The following MTSS1 variants were observed in gnomAD, a reference collection of about 807,000 sequenced individuals.
MTSS1 encodes protein MTSS 1.
Under a neutral mutation model 79.0 loss-of-function variants are expected in MTSS1, and 18 were observed. The ratio of observed to expected loss-of-function variants is 0.23; its 90% confidence interval spans 0.16 to 0.34. The LOEUF is 0.34. Among genes scored for constraint, MTSS1 ranks in the 10% least tolerant of loss-of-function variants. The pLI is 1.00. For synonymous variants in MTSS1, 341 were observed against 368.6 expected (o/e 0.93, Z 0.86); for missense variants, 815 against 986.2 (o/e 0.83, Z 2.33).
intron 6 of MTSS1, 23 bp downstream of exon 6, chr8:124,585,064 A>T (rs757829989): frequency 1.4e-4 from 224 of 1,599,946 alleles, no homozygotes; most frequent in Non-Finnish European, 1.7e-4. Context: ...AAGTAACATC[A>T]GTGGCAGAAT....
chr8:124,716,460 A>G (rs1832002685), intron 1 of MTSS1, among the ~76,000 whole-genome samples: 1 of 152,120 alleles, frequency 6.6e-6, no homozygotes, highest in Non-Finnish European at 1.5e-5. Context: ...ATACTTCAAG[A>G]GCTGCAGAGG....
chr8:124,665,533 C>T (rs1822890265), intron 3 of MTSS1, among the ~76,000 whole-genome samples: 1 of 152,174 alleles, frequency 6.6e-6, no homozygotes, highest in African/African-American at 2.4e-5. Flanking sequence ...AGGGCCCTGG[C>T]TTGGCCAGGC....
At chr8:124,707,916 G>A (rs1385144285) in intron 1 of MTSS1, among the ~76,000 whole-genome samples, 1 of 152,144 alleles carries the variant, frequency 6.6e-6, no homozygotes, top group Admixed American at 6.5e-5. Flanking sequence ...CATGTTCATC[G>A]AGAACATGCA....
intron 3 of MTSS1, among the ~76,000 whole-genome samples, chr8:124,653,837 C>T (rs1228185959): frequency 2.6e-5 from 4 of 152,208 alleles, no homozygotes; most frequent in Non-Finnish European, 4.4e-5. Context: ...GTGTGACTTT[C>T]CTTGAGGCTG....
At chr8:124,637,485 G>A (rs2133926502) in intron 3 of MTSS1, among the ~76,000 whole-genome samples, 1 of 152,342 alleles carries the variant, frequency 6.6e-6, no homozygotes, top group East Asian at 1.9e-4. Context: ...CAGACCCACG[G>A]CTCCAACATG....
intron 3 of MTSS1, among the ~76,000 whole-genome samples, chr8:124,667,107 T>C (rs975388576): frequency 2.3e-4 from 35 of 152,152 alleles, no homozygotes; most frequent in Admixed American, 6.5e-5. Flanking sequence ...GGCCACGCCC[T>C]GGGTTTCCCC....
intron 1 of MTSS1, among the ~76,000 whole-genome samples, chr8:124,726,358 A>G (rs1482434206): frequency 6.6e-6 from 1 of 152,230 alleles, no homozygotes; most frequent in Non-Finnish European, 1.5e-5. Flanking sequence ...ACTACAGTGG[A>G]CAGATCCGTC....
chr8:124,679,043 T>C (rs1160967202), intron 3 of MTSS1, among the ~76,000 whole-genome samples: 1 of 152,218 alleles, frequency 6.6e-6, no homozygotes, highest in Non-Finnish European at 1.5e-5. Context: ...ACTCTCATGG[T>C]TGGCGCTATT....
At chr8:124,672,297 C>G (rs1824370227) in intron 3 of MTSS1, among the ~76,000 whole-genome samples, 1 of 152,160 alleles carries the variant, frequency 6.6e-6, no homozygotes, top group African/African-American at 2.4e-5. Flanking sequence ...AGTTCAAGAC[C>G]AGCCTGCCCA....
At chr8:124,643,653 G>A (rs1434333412) in intron 3 of MTSS1, among the ~76,000 whole-genome samples, 4 of 129,480 alleles carry the variant, frequency 3.1e-5, no homozygotes, top group East Asian at 2.3e-4. Context: ...AGCCAAGATC[G>A]CACCATTGCA....
At chr8:124,603,439 C>A (rs1407565033) in intron 3 of MTSS1, among the ~76,000 whole-genome samples, 2 of 152,232 alleles carry the variant, frequency 1.3e-5, no homozygotes, top group African/African-American at 4.8e-5. Flanking sequence ...TTAAGCTGCA[C>A]ATTTATGAGG....
intron 2 of MTSS1, 52 bp downstream of exon 2, chr8:124,704,078 T>A: frequency 6.4e-7 from 1 of 1,557,520 alleles, no homozygotes; most frequent in Non-Finnish European, 8.9e-7. Flanking sequence ...TCCCACTCCA[T>A]CCTTGTCTGA....
intron 6 of MTSS1, among the ~76,000 whole-genome samples, chr8:124,572,794 T>C (rs989105650): frequency 7.4e-5 from 11 of 147,708 alleles, no homozygotes; most frequent in Admixed American, 2.7e-4. Flanking sequence ...CCAGGCTGGA[T>C]GGAGTGCAGT....
chr8:124,717,397 G>A (rs774177448), intron 1 of MTSS1, among the ~76,000 whole-genome samples: 5 of 152,212 alleles, frequency 3.3e-5, no homozygotes, highest in Non-Finnish European at 7.3e-5. Context: ...TTGGGAGGCT[G>A]AGGCAGGAGA....
intron 3 of MTSS1, among the ~76,000 whole-genome samples, chr8:124,616,589 A>C (rs1482463685): frequency 6.6e-6 from 1 of 152,186 alleles, no homozygotes; most frequent in African/African-American, 2.4e-5. Context: ...GGAAACGGAT[A>C]GTTCCCAGGT....
chr8:124,638,387 A>G (rs1329512120), intron 3 of MTSS1, among the ~76,000 whole-genome samples: 1 of 152,266 alleles, frequency 6.6e-6, no homozygotes, highest in Non-Finnish European at 1.5e-5. Context: ...GGCCTATCTT[A>G]GAGTTTAGTA....
At chr8:124,716,929 TC>T (rs754780792) in intron 1 of MTSS1, among the ~76,000 whole-genome samples, 1 of 151,568 alleles carries the variant, frequency 6.6e-6, no homozygotes, top group African/African-American at 2.4e-5. Context: ...AAAAAGTCCT[TC>T]GGGGGAAATC....
chr8:124,691,406 T>C (rs1827907188), intron 3 of MTSS1, among the ~76,000 whole-genome samples: 2 of 152,250 alleles, frequency 1.3e-5, no homozygotes, highest in Admixed American at 1.3e-4. Context: ...TTGTACTTTA[T>C]GTAAGATTGA....
intron 3 of MTSS1, among the ~76,000 whole-genome samples, chr8:124,601,408 CA>C (rs1833791570): frequency 6.6e-6 from 1 of 152,166 alleles, no homozygotes; most frequent in South Asian, 2.1e-4. Context: ...ACAGTTGCAT[CA>C]CCAGCTTCCT....
Sources: allele counts gnomAD v4.1 joint callset (sites outside exome capture counted in the v4.1 genomes callset), GRCh38; gene constraint gnomAD v4.1.1; transcripts MANE v1.5; gene names NCBI Gene and HGNC (gene_info 2026-07-23, HGNC 2026-07-21).